The following DHX33 variants were observed in gnomAD, a reference collection of about 807,000 sequenced individuals.
DHX33 encodes ATP-dependent RNA helicase DHX33.
In DHX33, 42 loss-of-function variants were observed where a neutral mutation model predicts 72.5. That is an observed-to-expected ratio of 0.58 (90% CI 0.45 to 0.75). The LOEUF (loss-of-function observed/expected upper bound fraction) is 0.75. DHX33 is among the 30% of genes least tolerant of loss of function. The pLI is 0.00. For missense variants in DHX33, 842 were observed against 917.5 expected (o/e 0.92, Z 1.06); for synonymous variants, 358 against 366.1 (o/e 0.98, Z 0.25).
At chr17:5,450,691 G>T in intron 9 of DHX33, 116 bp downstream of exon 9, 1 of 1,445,434 alleles carries the variant, frequency 6.9e-7, no homozygotes, top group Non-Finnish European at 9.4e-7. Flanking sequence ...ACTAGGGGTT[G>T]GTAATTATGT....
Position 5,450,678 on chromosome 17 carries a change from C to T in DHX33, c.1524+129G>A. 2.2e-6 allele frequency: 3 copies of T among 1,393,884 alleles called. No homozygotes were observed. In the East Asian group the frequency reaches 6.9e-5, roughly 32 times the overall value. 86.3% of individuals were successfully genotyped at this position (1,393,884 alleles called of 1,614,324 possible). A position where few individuals can be genotyped will look rare whatever the true frequency, so the allele number is the denominator to read the frequency against. Reference sequence around the variant, plus strand: ...ACTGAACATGAATCAGGGCTATTTGCAAACTAGGGGTTGGTAATTATGTAA... The same window carrying T: ...ACTGAACATGAATCAGGGCTATTTGTAAACTAGGGGTTGGTAATTATGTAA... On this transcript the variant is annotated intron_variant, in intron 9 of 11. Transcript: ENST00000225296.
At chr17:5,447,452 G>A (rs557915893) in intron 11 of DHX33, among the ~76,000 whole-genome samples, 2 of 152,078 alleles carry the variant, frequency 1.3e-5, no homozygotes, top group East Asian at 1.9e-4. Flanking sequence ...GTGAAACCTC[G>A]TCTCTACTAA....
At chr17:5,448,989 C>G (rs1446713547) in intron 10 of DHX33, 94 bp from the exon 11 acceptor site, 2 of 917,346 alleles carry the variant, frequency 2.2e-6, no homozygotes, top group East Asian at 5.7e-5. Context: ...GGCTGGAGTG[C>G]AGTGATACAA....
rs1335587399 is a variant in DHX33 at position 5,441,602 on chromosome 17, C to T, written c.*2603G>A. On this transcript the variant is annotated 3_prime_UTR_variant, in exon 12 of 12. Transcript: ENST00000225296. ...ATCTCCTGCAGCTCAATATAAACAA[C>T]GATGTATTTCTTTGTAGCAGTATGT... 2 of 152,070 alleles carry T rather than the reference C, an allele frequency of 1.3e-5. No homozygotes were observed. The highest frequency in any genetic ancestry group is 1.9e-4 in the East Asian group (1 of 5,198). 9.4% of individuals were successfully genotyped at this position (152,070 alleles called of 1,614,324 possible). A position where few individuals can be genotyped will look rare whatever the true frequency, so the allele number is the denominator to read the frequency against.
intron 4 of DHX33, 139 bp downstream of exon 4, chr17:5,460,800 C>T: frequency 9.5e-7 from 1 of 1,057,598 alleles, no homozygotes; most frequent in Non-Finnish European, 1.3e-6. Flanking sequence ...AGCCACCGCA[C>T]CTGGCCTCCT....
At chr17:5,450,737 T>G in intron 9 of DHX33, 70 bp downstream of exon 9, 1 of 1,598,068 alleles carries the variant, frequency 6.3e-7, no homozygotes, top group Non-Finnish European at 8.6e-7. Flanking sequence ...AAGCACTGGG[T>G]AGATGGTACT....
At chr17:5,460,909 C>CT in intron 4 of DHX33, 30 bp downstream of exon 4, 1 of 1,590,300 alleles carries the variant, frequency 6.3e-7, no homozygotes, top group South Asian at 1.1e-5. Context: ...TAAAAGAGAA[C>CT]TTTTCAGGAA....
chr17:5,464,483 T>C (rs1037665240), intron 1 of DHX33, among the ~76,000 whole-genome samples: 1 of 152,196 alleles, frequency 6.6e-6, no homozygotes, highest in Non-Finnish European at 1.5e-5. Context: ...AGCTGGTTAA[T>C]TGGTATTGTT....
Position 5,453,935 on chromosome 17 carries a change from T to G in DHX33, c.1193A>C (p.Gln398Pro). ...VLAVQRVSKT[Q>P]AWQRTGRAGR... ...AGCCCTCCCTGTGCGCTGCCAAGCCTGCGTCTTCGATACCCGCTGCACTGC... is the reference window on the plus strand; with the variant it reads ...AGCCCTCCCTGTGCGCTGCCAAGCCGGCGTCTTCGATACCCGCTGCACTGC... Residue 398 changes from glutamine (Q) to proline (P), a missense_variant, in exon 7 of 12, where the codon CAG (glutamine) becomes CCG (proline). By Grantham distance (76) the Gln-to-Pro change is moderately conservative. Transcript: ENST00000225296. The G allele has an allele frequency of 6.2e-7, 1 of 1,614,148 alleles. No homozygotes were observed. Among genetic ancestry groups the G allele is most frequent in the Non-Finnish European group, 8.5e-7 (1 of 1,180,038 alleles).
chr17:5,453,480 A>G (rs985944201), intron 8 of DHX33, 100 bp downstream of exon 8: 7 of 931,646 alleles, frequency 7.5e-6, no homozygotes, highest in Non-Finnish European at 1.2e-5. Context: ...AATTAAATAA[A>G]CAAAAGGAGA....
At position 5,453,893 on chromosome 17, in the gene DHX33, C is replaced by T; in HGVS notation, c.1235G>A (p.Gly412Asp). Residue 412 changes from glycine to aspartate, a missense_variant, in exon 7 of 12, where the codon GGC (glycine) becomes GAC (aspartate). Gly to Asp is a moderately conservative substitution (Grantham distance 94). Coordinates refer to ENST00000225296, the MANE Select transcript of DHX33 (RefSeq NM_020162.4). ...RTGRAGREDS[G>D]ICYRLYTEDE... Reference sequence around the variant, plus strand: ...CTCCGTGTAGAGCCGGTAGCAGATGCCACTGTCCTCTCTGCCAGCCCTCCC... The same window carrying T: ...CTCCGTGTAGAGCCGGTAGCAGATGTCACTGTCCTCTCTGCCAGCCCTCCC... 6.2e-7 allele frequency: 1 copy of T among 1,609,036 alleles called. No homozygotes were observed. The highest frequency in any genetic ancestry group is 1.1e-5 in the South Asian group (1 of 90,838).
chr17:5,465,182 C>T (rs1248326487), intron 1 of DHX33, among the ~76,000 whole-genome samples: 2 of 152,120 alleles, frequency 1.3e-5, no homozygotes, highest in African/African-American at 4.8e-5. Flanking sequence ...AGTAAACCTG[C>T]GCTTCCTTCC....
chr17:5,455,283 A>G lies in DHX33; in HGVS notation c.1036-12T>C, dbSNP rs368356246. 1.5e-5 allele frequency: 24 copies of G among 1,611,196 alleles called. No individual in the cohort carries two copies. In the African/African-American group the frequency reaches 3.1e-4, roughly 21 times the overall value. On this transcript the variant is annotated splice_polypyrimidine_tract_variant and intron_variant, in intron 5 of 11. Coordinates refer to ENST00000225296, the MANE Select transcript of DHX33 (RefSeq NM_020162.4). ...ACTTTGCGATAGCCCTAAAAGGAGG[A>G]AGAAAACCAAAAAGCCGCATTGACA...
intron 6 of DHX33, 62 bp from the exon 7 acceptor site, chr17:5,454,042 G>C (rs973222110): frequency 5.1e-6 from 8 of 1,568,482 alleles, no homozygotes; most frequent in Non-Finnish European, 6.9e-6. Flanking sequence ...CTACAGTGTC[G>C]ATAAAAAGAA....
chr17:5,468,564 C>T lies in DHX33; in HGVS notation c.289+7G>A. 3 of 1,604,908 alleles carry T rather than the reference C, an allele frequency of 1.9e-6. No individual in the cohort carries two copies. The highest frequency in any genetic ancestry group is 2.5e-6 in the Non-Finnish European group (3 of 1,176,486). On this transcript the variant is annotated splice_region_variant and intron_variant, in intron 1 of 11. Coordinates refer to ENST00000225296, the MANE Select transcript of DHX33 (RefSeq NM_020162.4). ...GCAAGGAAGAGCCCGCCGGCGCGGC[C>T]ACTCACCGATGAGGACCGCGTTGTC...
At chr17:5,448,121 G>A (rs986010508) in intron 11 of DHX33, among the ~76,000 whole-genome samples, 1 of 152,174 alleles carries the variant, frequency 6.6e-6, no homozygotes, top group Non-Finnish European at 1.5e-5. Flanking sequence ...AGAGGTTGCA[G>A]TGAGCGGAGG....
chr17:5,468,505 A>C (rs967283177), intron 1 of DHX33, 66 bp downstream of exon 1: 10 of 1,540,122 alleles, frequency 6.5e-6, no homozygotes, highest in Non-Finnish European at 7.9e-6. Context: ...GAGGCATGTA[A>C]GAAAAACTGC....
Position 5,444,677 on chromosome 17 carries a change from A to T in DHX33, c.1816-164T>A, listed in dbSNP as rs1916576931. Among the ~76,000 whole-genome samples, 2 of 152,158 alleles carry T rather than the reference A, an allele frequency of 1.3e-5. No homozygotes were observed. Among genetic ancestry groups the T allele is most frequent in the South Asian group, 4.1e-4 (2 of 4,828 alleles). On this transcript the variant is annotated intron_variant, in intron 11 of 11. Coordinates refer to ENST00000225296, the MANE Select transcript of DHX33 (RefSeq NM_020162.4). This position sits in a 1 kb window ranked among gnomAD's most constrained non-coding sequence, Gnocchi z 4.9. ...TCGGAGGTGGTCACCAAGGATCAGC[A>T]AGGTCAGGGGAAGAAGGCCCAGCTG...
rs752577230 is a variant in DHX33, at chr17:5,462,451, G to A, written c.546C>T (p.Asp182=). The A allele has an allele frequency of 4.3e-6, 7 of 1,614,038 alleles. No individual in the cohort carries two copies. In the East Asian group the frequency reaches 1.6e-4, roughly 36 times the overall value. ...CACAGCTGTATTTCCGAAGCAAAGA[G>A]TCTGAAATTGCTTCACGCAGAAGCA... ...DGMLLREAIS[D]SLLRKYSCVI... The change falls in exon 3 of 12, where the codon GAC becomes GAT. Residue 182 remains aspartate, a synonymous_variant. Transcript: ENST00000225296.
Sources: allele counts gnomAD v4.1 joint callset (sites outside exome capture counted in the v4.1 genomes callset), GRCh38; gene constraint gnomAD v4.1.1; non-coding constraint Gnocchi (gnomAD v3.1); transcripts MANE v1.5; gene names NCBI Gene and HGNC (gene_info 2026-07-23, HGNC 2026-07-21).